The following TRIQK variants were observed in gnomAD, a reference collection of about 807,000 sequenced individuals.
The protein encoded by TRIQK is triple QxxK/R motif containing, also known as triple QxxK/R motif-containing protein.
Under a neutral mutation model 10.8 loss-of-function variants are expected in TRIQK, and 10 were observed. The observed-to-expected ratio is 0.92, with a 90% CI of 0.57 to 1.57. The LOEUF (loss-of-function observed/expected upper bound fraction) is 1.57. Among genes scored for constraint, TRIQK ranks in the 40% most tolerant of loss-of-function variants. The pLI, the probability that TRIQK is intolerant of heterozygous loss-of-function variation, is 0.00. For synonymous variants in TRIQK, 33 were observed against 33.7 expected (o/e 0.98, Z 0.07); for missense variants, 107 against 97.7 (o/e 1.09, Z -0.40).
At chr8:92,970,185 G>C (rs1191707537), upstream of TRIQK, among the ~76,000 whole-genome samples, 3 of 152,104 alleles carry the variant, frequency 2.0e-5, no homozygotes, top group Non-Finnish European at 4.4e-5. Flanking sequence ...TCTTTATCCA[G>C]TCTATCATTG....
At chr8:92,947,069 TATTTTTTAACTACGTGTGTCA>T (rs1811577687) in intron 2 of TRIQK, among the ~76,000 whole-genome samples, 2 of 151,978 alleles carry the variant, frequency 1.3e-5, no homozygotes, top group African/African-American at 4.8e-5. Context: ...CTGGCTCATT[TATTTTTTAACTACGTGTGTCA>T]CCTCTACTTT....
chr8:92,934,404 A>T (rs563874358), intron 2 of TRIQK, among the ~76,000 whole-genome samples: 25 of 152,076 alleles, frequency 1.6e-4, no homozygotes, highest in Non-Finnish European at 3.1e-4. Flanking sequence ...CAATAAGTAC[A>T]TAACTTTTAA....
At chr8:92,932,277 C>T (rs577230363) in intron 2 of TRIQK, among the ~76,000 whole-genome samples, 1 of 152,086 alleles carries the variant, frequency 6.6e-6, no homozygotes, top group African/African-American at 2.4e-5. Context: ...ATATAACTAC[C>T]CCTAACTTCT....
In TRIQK at chr8:92,978,582, G is replaced by A. The variant is rs1812955036; in HGVS notation, c.-180-24018C>T. Among the ~76,000 whole-genome samples, 3 of 152,106 alleles carry A rather than the reference G, an allele frequency of 2.0e-5. No homozygotes were observed. In the South Asian group the frequency reaches 6.2e-4, roughly 31 times the overall value. On this transcript the variant is annotated intron_variant, in intron 1 of 4. Coordinates refer to the TRIQK transcript ENST00000520686. ...AGCATGTGACAGCAGTAAGAATAAA[G>A]TCCACTTTAAACTTAATTGAAGTGT...
At chr8:92,994,617 A>G (rs939080460) in intron 1 of TRIQK, among the ~76,000 whole-genome samples, 2 of 151,710 alleles carry the variant, frequency 1.3e-5, no homozygotes. Context: ...TTACTAGGTT[A>G]CTTATTCCAG....
intron 1 of TRIQK, among the ~76,000 whole-genome samples, chr8:92,971,950 C>T (rs891825769): frequency 2.6e-5 from 4 of 152,158 alleles, no homozygotes; most frequent in Admixed American, 1.3e-4. Flanking sequence ...AGGTCTGTTA[C>T]TAGGCTCATA....
chr8:92,898,562 A>G (rs1808729968), intron 3 of TRIQK, among the ~76,000 whole-genome samples: 1 of 151,968 alleles, frequency 6.6e-6, no homozygotes, highest in African/African-American at 2.4e-5. Context: ...AGATTTTCAG[A>G]GGTTTTTACT....
At chr8:93,009,381 G>T (rs943851947) in intron 1 of TRIQK, among the ~76,000 whole-genome samples, 4 of 152,110 alleles carry the variant, frequency 2.6e-5, no homozygotes, top group Admixed American at 6.5e-5. Context: ...AGGCCGAGGT[G>T]GGCAGATCAC....
intron 3 of TRIQK, among the ~76,000 whole-genome samples, chr8:92,908,249 G>C (rs191241608): frequency 2.1e-4 from 28 of 134,002 alleles, no homozygotes; most frequent in Admixed American, 5.0e-4. Flanking sequence ...GAAGCTCACT[G>C]TTTCTTTCTT....
chr8:92,962,047 T>A (rs1378660082), intron 1 of TRIQK, among the ~76,000 whole-genome samples: 1 of 152,194 alleles, frequency 6.6e-6, no homozygotes, highest in Non-Finnish European at 1.5e-5. Context: ...CATGGAAACA[T>A]ACACCTATCT....
intron 2 of TRIQK, chr8:92,941,377 A>G (rs1225568544): frequency 6.6e-6 from 1 of 152,162 alleles, no homozygotes; most frequent in Non-Finnish European, 1.5e-5. Flanking sequence ...GCACCCAGCC[A>G]AAAGGGAAAT....
At chr8:92,945,259 T>A (rs1811471374) in intron 2 of TRIQK, among the ~76,000 whole-genome samples, 1 of 152,140 alleles carries the variant, frequency 6.6e-6, no homozygotes, top group Non-Finnish European at 1.5e-5. Context: ...GCTTCCCCTG[T>A]AGTGAAGATG....
chr8:92,943,297 T>C (rs1333591733), intron 2 of TRIQK, among the ~76,000 whole-genome samples: 1 of 152,058 alleles, frequency 6.6e-6, no homozygotes, highest in Non-Finnish European at 1.5e-5. Context: ...CCCGAAGACA[T>C]CCTTCATACA....
chr8:92,934,003 C>T (rs1196503714), intron 2 of TRIQK, among the ~76,000 whole-genome samples: 1 of 152,006 alleles, frequency 6.6e-6, no homozygotes, highest in African/African-American at 2.4e-5. Context: ...TAGGGAAAGT[C>T]ACTCAGTTCC....
At chr8:93,004,117 C>T (rs1586529055) in intron 1 of TRIQK, among the ~76,000 whole-genome samples, 1 of 152,354 alleles carries the variant, frequency 6.6e-6, no homozygotes, top group East Asian at 1.9e-4. Flanking sequence ...AGTGCTCCCA[C>T]ATTTCTCCTC....
intron 1 of TRIQK, among the ~76,000 whole-genome samples, chr8:93,002,920 CAA>C (rs770726105): frequency 4.4e-5 from 5 of 113,874 alleles, no homozygotes; most frequent in East Asian, 2.7e-4. Context: ...AACTCCATCT[CAA>C]AAAAAAAAAA....
intron 3 of TRIQK, among the ~76,000 whole-genome samples, chr8:92,916,605 T>C (rs1809863339): frequency 6.6e-6 from 1 of 152,084 alleles, no homozygotes; most frequent in Non-Finnish European, 1.5e-5. Flanking sequence ...ATAATATGTA[T>C]ACAAAGGAAT....
chr8:92,943,587 T>C (rs1244524888), intron 2 of TRIQK, among the ~76,000 whole-genome samples: 7 of 152,180 alleles, frequency 4.6e-5, no homozygotes, highest in Non-Finnish European at 8.8e-5. Flanking sequence ...AACAGTCTCT[T>C]CAATAAATGG....
rs1329211566 is a variant in TRIQK at position 92,884,074 on chromosome 8, TA to T, written c.*2547del. ...ATGTTAACAAACATATTCTAACACT[TA>T]AAAAATCATTACAATTTTTTCTGTT... On this transcript the variant is annotated 3_prime_UTR_variant, in exon 5 of 5. Coordinates refer to ENST00000521988, the MANE Select transcript of TRIQK (RefSeq NM_001171797.2). 2.0e-5 allele frequency: 3 copies of T among 151,904 alleles called. No homozygotes were observed. The highest frequency in any genetic ancestry group is 2.1e-4 in the South Asian group (1 of 4,822). The allele number at this position is 151,904 out of a possible 1,614,324, so 9.4% of individuals were successfully genotyped here.
Sources: allele counts gnomAD v4.1 joint callset (sites outside exome capture counted in the v4.1 genomes callset), GRCh38; gene constraint gnomAD v4.1.1; transcripts MANE v1.5; gene names NCBI Gene and HGNC (gene_info 2026-07-23, HGNC 2026-07-21).